AKR7A2: variants seen among roughly 807,000 people sequenced by gnomAD.
AKR7A2 encodes aldo-keto reductase family 7 member A2, also known as aflatoxin B1 aldehyde reductase member 2.
A neutral mutation model predicts 37.3 loss-of-function variants in AKR7A2; 29 were observed. The observed-to-expected ratio is 0.78, with a 90% confidence interval of 0.58 to 1.06. The LOEUF (loss-of-function observed/expected upper bound fraction) is 1.06. Among genes scored for constraint, AKR7A2 ranks in the 50% least tolerant of loss-of-function variants. The pLI is 0.00. For synonymous variants in AKR7A2, 228 were observed against 217.8 expected, an observed-to-expected ratio of 1.05 and a Z score of -0.41; for missense variants, 529 against 497.9, an observed-to-expected ratio of 1.06 and a Z score of -0.59.
Position 19,312,134 on chromosome 1 carries a change from G to C in AKR7A2, c.-10C>G. The C allele has an allele frequency of 1.6e-6, 2 of 1,267,800 alleles. No homozygotes were observed. The highest frequency in any genetic ancestry group is 2.0e-6 in the Non-Finnish European group (2 of 1,012,402). 78.5% of individuals were successfully genotyped at this position (1,267,800 alleles called of 1,614,324 possible). A position where few individuals can be genotyped will look rare whatever the true frequency, so the allele number is the denominator to read the frequency against. Reference sequence around the variant, plus strand: ...ACGCGGCACTCAGCATAGCAGCGGCGCCTGCGCGTTGGGAGCCGGGGGCCC... The same window carrying C: ...ACGCGGCACTCAGCATAGCAGCGGCCCCTGCGCGTTGGGAGCCGGGGGCCC... On this transcript the variant is annotated 5_prime_UTR_variant, in exon 1 of 7. Coordinates refer to ENST00000235835, the MANE Select transcript of AKR7A2 (RefSeq NM_003689.4).
chr1:19,308,669 T>A, intron 1 of AKR7A2, 27 bp from the exon 2 acceptor site: 1 of 1,609,688 alleles, frequency 6.2e-7, no homozygotes, highest in Non-Finnish European at 8.5e-7. Flanking sequence ...AATGGTTAAG[T>A]GACCTATTAG....
Position 19,306,161 on chromosome 1 carries a change from A to G in AKR7A2, c.789-14T>C, listed in dbSNP as rs374944963. ...TCCTTCCAGAAGCTGTGCAGAGGGG[A>G]TGTTAGCACAGGGGTCAGTACCATG... On this transcript the variant is annotated splice_polypyrimidine_tract_variant and intron_variant, in intron 5 of 6. Coordinates refer to ENST00000235835, the MANE Select transcript of AKR7A2 (RefSeq NM_003689.4). The G allele has an allele frequency of 1.9e-6, 3 of 1,614,004 alleles. No individual in the cohort carries two copies. In the African/African-American group the frequency reaches 4.0e-5, roughly 22 times the overall value.
chr1:19,307,192 C>T, intron 4 of AKR7A2, 91 bp from the exon 5 acceptor site: 2 of 1,592,438 alleles, frequency 1.3e-6, no homozygotes, highest in South Asian at 1.1e-5. Flanking sequence ...GGGGCAGGGA[C>T]CCAGGAGGGG....
chr1:19,308,883 C>T (rs7525784), intron 1 of AKR7A2, among the ~76,000 whole-genome samples: 28,217 of 152,110 alleles, frequency 0.19, 2,786 homozygotes, highest in Middle Eastern at 0.3. Context: ...TGTGCCAGGC[C>T]TTGCACTAGA....
chr1:19,311,737 G>A, intron 1 of AKR7A2, 90 bp downstream of exon 1: 1 of 1,543,642 alleles, frequency 6.5e-7, no homozygotes, highest in Non-Finnish European at 8.8e-7. Flanking sequence ...CGTCGGTGCT[G>A]CCCGCGGCCG....
chr1:19,308,520 G>T lies in AKR7A2; in HGVS notation c.421C>A (p.His141Asn). The T allele has an allele frequency of 6.2e-7, 1 of 1,614,240 alleles. No homozygotes were observed. The highest frequency in any genetic ancestry group is 8.5e-7 in the Non-Finnish European group (1 of 1,180,044). ...ACCGGGGTGCCGTGGTCAGGTGCGTGTAGGTAGAAGAGGTCCACTTGGGGA... is the reference window on the plus strand; with the variant it reads ...ACCGGGGTGCCGTGGTCAGGTGCGTTTAGGTAGAAGAGGTCCACTTGGGGA... ...QCPQVDLFYLHAPDHGTPVEE... is the reference protein window; with the variant it reads ...QCPQVDLFYLNAPDHGTPVEE... Residue 141 changes from histidine (H) to asparagine (N), a missense_variant, in exon 2 of 7, where the codon CAC becomes AAC. Physicochemically the swap from His to Asn is moderately conservative, Grantham distance 68. Transcript: ENST00000235835.
intron 6 of AKR7A2, chr1:19,305,143 A>G (rs557670513): frequency 6.4e-6 from 1 of 155,398 alleles, no homozygotes; most frequent in South Asian, 2.0e-4. Flanking sequence ...TCTTCTCTGT[A>G]TCATTCCAAT....
At chr1:19,308,417 G>A (rs772167968) in intron 2 of AKR7A2, 38 bp downstream of exon 2, 1 of 1,608,986 alleles carries the variant, frequency 6.2e-7, no homozygotes, top group Non-Finnish European at 8.5e-7. Flanking sequence ...AAAGAAAGGA[G>A]CAGGAGCCCA....
At chr1:19,308,323 G>A in intron 2 of AKR7A2, 61 bp from the exon 3 acceptor site, 1 of 1,610,794 alleles carries the variant, frequency 6.2e-7, no homozygotes, top group Non-Finnish European at 8.5e-7. Context: ...GGGAGGCCAG[G>A]GTGGGGCCCC....
At chr1:19,309,245 A>T (rs1163783639) in intron 1 of AKR7A2, among the ~76,000 whole-genome samples, 1 of 152,254 alleles carries the variant, frequency 6.6e-6, no homozygotes, top group Non-Finnish European at 1.5e-5. Flanking sequence ...AGACAGGGAC[A>T]GACCTCATCC....
intron 4 of AKR7A2, 96 bp downstream of exon 4, chr1:19,307,218 C>G: frequency 3.8e-6 from 6 of 1,599,082 alleles, no homozygotes; most frequent in Non-Finnish European, 5.1e-6. Flanking sequence ...GAACACAGCC[C>G]AGCCTCTTGT....
intron 6 of AKR7A2, among the ~76,000 whole-genome samples, chr1:19,305,429 C>T (rs1052851474): frequency 6.6e-6 from 1 of 152,056 alleles, no homozygotes; most frequent in African/African-American, 2.4e-5. Flanking sequence ...CCTTGACCTC[C>T]CAGGCTCAAG....
At chr1:19,307,909 G>C in intron 3 of AKR7A2, 1 of 599,840 alleles carries the variant, frequency 1.7e-6, no homozygotes, top group Non-Finnish European at 3.0e-6. Context: ...ATGTGTTCCA[G>C]GCTGAAGTAT....
rs202217638 is a variant in AKR7A2 at position 19,307,106 on chromosome 1, G to A, written c.689-5C>T. 105 of 1,614,224 alleles carry A rather than the reference G, an allele frequency of 6.5e-5. No homozygotes were observed. In the South Asian group the frequency reaches 1.0e-3, roughly 16 times the overall value. On this transcript the variant is annotated splice_region_variant and splice_polypyrimidine_tract_variant and intron_variant, in intron 4 of 6. Coordinates refer to ENST00000235835, the MANE Select transcript of AKR7A2 (RefSeq NM_003689.4). ...ACTTGCCAGTCAGCAGGCCCCCTGC[G>A]GGAAGGCAGCAATCAGCCCCTGGCC...
intron 5 of AKR7A2, 149 bp from the exon 6 acceptor site, chr1:19,306,296 T>C: frequency 1.8e-6 from 2 of 1,142,706 alleles, no homozygotes; most frequent in South Asian, 1.4e-5. Context: ...TCTCCCACTT[T>C]GCTGGGCATC....
downstream of AKR7A2, among the ~76,000 whole-genome samples, chr1:19,303,799 G>C (rs72651448): frequency 0.033 from 5,097 of 152,224 alleles, 242 homozygotes; most frequent in East Asian, 0.14. Context: ...ATGTTGAGAG[G>C]TCAGGTGGGT....
At chr1:19,310,227 C>T (rs1254226816) in intron 1 of AKR7A2, among the ~76,000 whole-genome samples, 1 of 152,164 alleles carries the variant, frequency 6.6e-6, no homozygotes, top group African/African-American at 2.4e-5. Flanking sequence ...ACAAGTTCCA[C>T]AGTTTCTCAT....
In AKR7A2 at chr1:19,304,302, G is replaced by T. The variant is rs1355666594; in HGVS notation, c.1003C>A (p.Leu335Met). Reference protein sequence around the residue: ...QNLAATEEGPLEPAVVDAFNQ... With the variant: ...QNLAATEEGPMEPAVVDAFNQ... ...AAGGCATCCACGACAGCCGGCTCCA[G>T]GGGCCCTTCCTCTGTTGCTGCCAAG... Residue 335 changes from leucine to methionine, a missense_variant, in exon 7 of 7, where the codon CTG becomes ATG. Physicochemically the swap from Leu to Met is conservative, Grantham distance 15. Transcript: ENST00000235835. The T allele has an allele frequency of 4.3e-6, 7 of 1,614,132 alleles. No homozygotes were observed. The highest frequency in any genetic ancestry group is 5.9e-6 in the Non-Finnish European group (7 of 1,180,030).
rs567647567 is a variant in AKR7A2 at position 19,311,899 on chromosome 1, T to G, written c.226A>C (p.Met76Leu). Residue 76 changes from methionine to leucine, a missense_variant, in exon 1 of 7, where the codon ATG (methionine) becomes CTG (leucine). Transcript: ENST00000235835. ...RGHTELDTAFMYSDGQSETIL... is the reference protein window; with the variant it reads ...RGHTELDTAFLYSDGQSETIL... ...GTCTCGGACTGGCCGTCGCTGTACATGAAGGCCGTGTCCAGTTCGGTGTGG... is the reference window on the plus strand; with the variant it reads ...GTCTCGGACTGGCCGTCGCTGTACAGGAAGGCCGTGTCCAGTTCGGTGTGG... The G allele has an allele frequency of 1.2e-6, 2 of 1,610,692 alleles. No homozygotes were observed. Among genetic ancestry groups the G allele is most frequent in the South Asian group, 2.2e-5 (2 of 90,946 alleles).
Sources: gnomAD v4.1 joint callset for allele counts (sites outside exome capture counted in the v4.1 genomes callset) on GRCh38, gnomAD v4.1.1 for gene constraint, MANE v1.5 for transcripts, NCBI Gene and HGNC (gene_info 2026-07-23, HGNC 2026-07-21) for gene names.